The following SEPTIN14 variants were observed in gnomAD, a reference collection of about 807,000 sequenced individuals.
SEPTIN14 encodes septin-14.
Under a neutral mutation model 53.6 loss-of-function variants are expected in SEPTIN14, and 40 were observed. The observed-to-expected ratio is 0.75, with a 90% CI of 0.58 to 0.97. The LOEUF is 0.97. SEPTIN14 is among the 50% of genes least tolerant of loss of function. The probability of loss-of-function intolerance (pLI) is 0.00; values close to 1 mark genes in which losing one functional copy is unlikely to be tolerated. For missense variants in SEPTIN14, 471 were observed against 508.2 expected (o/e 0.93, Z 0.70); for synonymous variants, 138 against 166.8 (o/e 0.83, Z 1.33).
At chr7:55,829,378 C>CA (rs200041942) in intron 6 of SEPTIN14, among the ~76,000 whole-genome samples, 31,596 of 119,520 alleles carry the variant, frequency 0.26, 4,016 homozygotes, top group Middle Eastern at 0.39. Context: ...AACTCTGTCT[C>CA]AAAAAAAAAA....
chr7:55,822,790 T>G lies in SEPTIN14; in HGVS notation c.721-3567A>C, dbSNP rs527405788. Among the ~76,000 whole-genome samples the G allele has an allele frequency of 1.4e-3, 212 of 150,634 alleles. 1 individual carries two copies. The highest frequency in any genetic ancestry group is 4.8e-3 in the African/African-American group (197 of 40,960). ...AAATGTAAAGCATAAAACAATAAAA[T>G]TCCTAGAAGATAATGTAGAGTCCTA... On this transcript the variant is annotated intron_variant, in intron 6 of 9. Coordinates refer to ENST00000388975, the MANE Select transcript of SEPTIN14 (RefSeq NM_207366.3).
intron 9 of SEPTIN14, among the ~76,000 whole-genome samples, chr7:55,796,694 C>T (rs575722583): frequency 2.0e-5 from 3 of 152,072 alleles, no homozygotes; most frequent in South Asian, 4.2e-4. Context: ...GCAGAAGGAT[C>T]GCTTGAGTCC....
chr7:55,844,629 CATTTGAGTAAAA>C lies in SEPTIN14; in HGVS notation c.253_264del (p.Phe85_Asn88del). On this transcript the variant is annotated inframe_deletion, in exon 4 of 10. Transcript: ENST00000388975. ...TCATATGTCTGAATTTGAAGTCCAA[CATTTGAGTAAAA>C]ATGTGAGGATTTGTTATCTTTCAAG... The C allele has an allele frequency of 1.9e-6, 3 of 1,609,994 alleles. No individual in the cohort carries two copies. The highest frequency in any genetic ancestry group is 2.5e-6 in the Non-Finnish European group (3 of 1,176,712).
intron 6 of SEPTIN14, among the ~76,000 whole-genome samples, chr7:55,824,537 C>T (rs566441303): frequency 1.0e-3 from 158 of 151,934 alleles, no homozygotes; most frequent in Middle Eastern, 6.8e-3. Flanking sequence ...AATCCCAGCA[C>T]TTTGGAAGGC....
intron 9 of SEPTIN14, 128 bp downstream of exon 9, chr7:55,805,130 A>T: frequency 1.3e-6 from 1 of 782,458 alleles, no homozygotes; most frequent in Non-Finnish European, 2.0e-6. Flanking sequence ...TCTACATGGT[A>T]AAAAGCTACT....
At chr7:55,820,746 C>G (rs1334922423) in intron 6 of SEPTIN14, among the ~76,000 whole-genome samples, 1 of 152,084 alleles carries the variant, frequency 6.6e-6, no homozygotes, top group African/African-American at 2.4e-5. Flanking sequence ...TCGAGACCAG[C>G]CTTGCCAACA....
intron 2 of SEPTIN14, among the ~76,000 whole-genome samples, chr7:55,848,015 G>A (rs566742764): frequency 1.3e-3 from 203 of 152,214 alleles, no homozygotes; most frequent in Non-Finnish European, 2.4e-3. Context: ...ACTATTTTAT[G>A]AGGAATACAA....
chr7:55,850,715 T>C (rs541082120), intron 2 of SEPTIN14: 5 of 152,292 alleles, frequency 3.3e-5, no homozygotes, highest in African/African-American at 1.2e-4. Context: ...TTTATGATTT[T>C]TAGGATTCTA....
intron 7 of SEPTIN14, among the ~76,000 whole-genome samples, chr7:55,811,597 G>A (rs1788707241): frequency 1.3e-5 from 2 of 148,396 alleles, no homozygotes; most frequent in Admixed American, 1.4e-4. Context: ...CGCCTCCCAG[G>A]TTCAAGTGAT....
At chr7:55,801,109 T>C (rs1186173152) in intron 9 of SEPTIN14, among the ~76,000 whole-genome samples, 1 of 151,288 alleles carries the variant, frequency 6.6e-6, no homozygotes, top group Non-Finnish European at 1.5e-5. Context: ...TAAGAAAAAA[T>C]AGATTAAATA....
chr7:55,810,475 CTT>C (rs145847718), intron 7 of SEPTIN14, among the ~76,000 whole-genome samples: 8 of 124,862 alleles, frequency 6.4e-5, no homozygotes, highest in Admixed American at 8.7e-5. Context: ...TTTTGAAGTT[CTT>C]TTTTTTTTTT....
chr7:55,833,498 A>C (rs1053489384), intron 6 of SEPTIN14, among the ~76,000 whole-genome samples: 1 of 152,098 alleles, frequency 6.6e-6, no homozygotes, highest in African/African-American at 2.4e-5. Flanking sequence ...TCTTGAGGCC[A>C]GGAGTTTGAG....
chr7:55,856,398 C>CA (rs1562721768), intron 2 of SEPTIN14, among the ~76,000 whole-genome samples: 10 of 151,124 alleles, frequency 6.6e-5, no homozygotes, highest in African/African-American at 2.4e-4. Context: ...ACCACTTTTT[C>CA]GTTTTTTTTT....
rs1476348762 is a variant in SEPTIN14, at chr7:55,819,557, C to T, written c.721-334G>A. Among the ~76,000 whole-genome samples, 3 of 152,234 alleles carry T rather than the reference C, an allele frequency of 2.0e-5. No homozygotes were observed. In the South Asian group the frequency reaches 6.2e-4, roughly 32 times the overall value. ...TGAGCCGAGATCATACCACTGCACC[C>T]CAGCCTGGGCAACAGAGCAAGACTC... is the stretch of plus-strand genomic sequence containing the variant. On this transcript the variant is annotated intron_variant, in intron 6 of 9. Transcript: ENST00000388975.
intron 2 of SEPTIN14, among the ~76,000 whole-genome samples, chr7:55,859,905 C>T (rs551911550): frequency 2.0e-5 from 3 of 152,162 alleles, no homozygotes; most frequent in Non-Finnish European, 4.4e-5. Flanking sequence ...TGGGGCCAGA[C>T]GTGATGGCTC....
At chr7:55,822,200 T>C (rs1788907526) in intron 6 of SEPTIN14, among the ~76,000 whole-genome samples, 1 of 152,112 alleles carries the variant, frequency 6.6e-6, no homozygotes, top group African/African-American at 2.4e-5. Flanking sequence ...CCATACTGTT[T>C]TTCATAGTGG....
intron 5 of SEPTIN14, among the ~76,000 whole-genome samples, chr7:55,837,572 C>T (rs1789233738): frequency 6.6e-6 from 1 of 151,902 alleles, no homozygotes. Flanking sequence ...AACCCACTAC[C>T]CATGCTTTTT....
chr7:55,835,792 G>A (rs1223246852), intron 5 of SEPTIN14, among the ~76,000 whole-genome samples: 1 of 152,126 alleles, frequency 6.6e-6, no homozygotes, highest in Non-Finnish European at 1.5e-5. Flanking sequence ...GCCCAGGCTG[G>A]AGTGCAATGG....
At chr7:55,805,097 AT>A in intron 9 of SEPTIN14, among the ~76,000 whole-genome samples, 160 bp downstream of exon 9, 1 of 152,312 alleles carries the variant, frequency 6.6e-6, no homozygotes, top group East Asian at 1.9e-4. Flanking sequence ...ACAGACTATA[AT>A]TTTGTAAAGG....
Sources: allele counts gnomAD v4.1 joint callset (sites outside exome capture counted in the v4.1 genomes callset), GRCh38; gene constraint gnomAD v4.1.1; transcripts MANE v1.5; gene names NCBI Gene and HGNC (gene_info 2026-07-23, HGNC 2026-07-21).